Variants in MTA3 observed in about 807,000 individuals in gnomAD.
MTA3 encodes metastasis-associated protein MTA3.
MTA3 carries 34 observed loss-of-function variants against 83.5 expected under a neutral mutation model. The ratio of observed to expected loss-of-function variants is 0.41; its 90% CI spans 0.31 to 0.54. The LOEUF is 0.54. MTA3 is among the 20% of genes least tolerant of loss of function. The pLI is 0.33. For synonymous variants in MTA3, 303 were observed against 252.7 expected, an observed-to-expected ratio of 1.20 and a Z score of -1.89; for missense variants, 761 against 726.4, an observed-to-expected ratio of 1.05 and a Z score of -0.55.
intron 3 of MTA3, among the ~76,000 whole-genome samples, chr2:42,600,696 A>T (rs995406671): frequency 1.3e-5 from 2 of 151,558 alleles, no homozygotes; most frequent in Non-Finnish European, 2.9e-5. Context: ...ATGCGCCACC[A>T]CACCTGGCTG....
chr2:42,539,230 TACCCGAG>T (rs1676411077), intron 2 of MTA3, among the ~76,000 whole-genome samples: 1 of 152,168 alleles, frequency 6.6e-6, no homozygotes, highest in African/African-American at 2.4e-5. Flanking sequence ...TATAAGGACA[TACCCGAG>T]ACTGGATAAT....
At chr2:42,569,908 GAA>G (rs1678276433) in intron 1 of MTA3, 1 of 151,828 alleles carries the variant, frequency 6.6e-6, no homozygotes, top group African/African-American at 2.4e-5. Flanking sequence ...TAAAACTGTG[GAA>G]AAGTTTGTCA....
intron 2 of MTA3, among the ~76,000 whole-genome samples, chr2:42,570,856 C>CA (rs900107958): frequency 8.6e-5 from 13 of 150,588 alleles, no homozygotes; most frequent in Non-Finnish European, 1.6e-4. Flanking sequence ...ACTAAAAATA[C>CA]AAAAAAAATA....
intron 16 of MTA3, among the ~76,000 whole-genome samples, chr2:42,748,307 G>A (rs1047786407): frequency 1.3e-5 from 2 of 151,246 alleles, no homozygotes; most frequent in African/African-American, 2.4e-5. Flanking sequence ...CTCATGATCC[G>A]CCTGCCTCAG....
intron 7 of MTA3, among the ~76,000 whole-genome samples, chr2:42,658,549 C>A (rs577757909): frequency 6.6e-6 from 1 of 152,200 alleles, no homozygotes; most frequent in South Asian, 2.1e-4. Flanking sequence ...TCAAAAGAAG[C>A]TGGACGTAAT....
intron 8 of MTA3, among the ~76,000 whole-genome samples, chr2:42,678,937 G>A (rs1391627370): frequency 6.6e-6 from 1 of 152,096 alleles, no homozygotes; most frequent in Admixed American, 6.6e-5. Context: ...ATACAAATAA[G>A]AAATGATCTT....
intron 3 of MTA3, among the ~76,000 whole-genome samples, chr2:42,602,516 C>T (rs1319890454): frequency 1.3e-5 from 2 of 152,196 alleles, no homozygotes; most frequent in African/African-American, 2.4e-5. Flanking sequence ...CAATTTTTCA[C>T]TTCCTCTGTT....
intron 16 of MTA3, among the ~76,000 whole-genome samples, chr2:42,733,889 A>C (rs1034961122): frequency 6.6e-6 from 1 of 152,216 alleles, no homozygotes; most frequent in African/African-American, 2.4e-5. Flanking sequence ...CTGTGATCAG[A>C]AAAGATACTT....
At chr2:42,718,299 G>A (rs984548020) in intron 14 of MTA3, among the ~76,000 whole-genome samples, 1 of 151,910 alleles carries the variant, frequency 6.6e-6, no homozygotes, top group African/African-American at 2.4e-5. Context: ...CCAGGCTGGA[G>A]TGCAATGGCG....
intron 3 of MTA3, among the ~76,000 whole-genome samples, chr2:42,590,882 T>C (rs754996934): frequency 6.6e-6 from 1 of 152,170 alleles, no homozygotes; most frequent in Non-Finnish European, 1.5e-5. Flanking sequence ...GTTTGCTTTT[T>C]TTAAAACTGT....
intron 2 of MTA3, among the ~76,000 whole-genome samples, chr2:42,562,867 C>T (rs1370364657): frequency 6.6e-6 from 1 of 152,122 alleles, no homozygotes; most frequent in Non-Finnish European, 1.5e-5. Context: ...AAAGGCACCT[C>T]GAACACAACC....
intron 4 of MTA3, among the ~76,000 whole-genome samples, chr2:42,619,144 C>A (rs893979035): frequency 6.6e-6 from 1 of 152,114 alleles, no homozygotes; most frequent in African/African-American, 2.4e-5. Flanking sequence ...GGAGAGAGAA[C>A]AGTTAAAGGC....
At chr2:42,642,427 A>G (rs2104306789) in intron 5 of MTA3, among the ~76,000 whole-genome samples, 1 of 152,146 alleles carries the variant, frequency 6.6e-6, no homozygotes, top group Admixed American at 6.6e-5. Context: ...AGGTTGAGGC[A>G]GGAGGATTGC....
chr2:42,658,063 C>A, intron 7 of MTA3, among the ~76,000 whole-genome samples: 1 of 90,404 alleles, frequency 1.1e-5, no homozygotes, highest in African/African-American at 5.1e-5. Context: ...CAGAGGAAGA[C>A]TCTGTCTCAA....
intron 4 of MTA3, among the ~76,000 whole-genome samples, chr2:42,620,275 C>T (rs1384317490): frequency 2.6e-5 from 4 of 151,946 alleles, no homozygotes; most frequent in African/African-American, 7.2e-5. Flanking sequence ...TGCACTGCCA[C>T]GCCTGGCTTA....
chr2:42,592,497 T>C (rs923394817), intron 3 of MTA3, among the ~76,000 whole-genome samples: 3 of 152,090 alleles, frequency 2.0e-5, no homozygotes, highest in African/African-American at 4.8e-5. Context: ...GACAGGAGTA[T>C]TGCTTGAGCC....
chr2:42,609,618 C>G (rs1683933645), intron 4 of MTA3, 34 bp downstream of exon 4: 1 of 1,559,388 alleles, frequency 6.4e-7, no homozygotes, highest in Admixed American at 2.0e-5. Flanking sequence ...GTACTCAGTA[C>G]TACGGTGACC....
At chr2:42,507,838 GGAT>G (rs372898995) in intron 2 of MTA3, among the ~76,000 whole-genome samples, 23 of 151,942 alleles carry the variant, frequency 1.5e-4, no homozygotes, top group African/African-American at 5.5e-4. Flanking sequence ...GGCTGAGGTG[GGAT>G]GATGGCTTGA....
chr2:42,508,447 T>G (rs1195973885), intron 2 of MTA3, among the ~76,000 whole-genome samples: 2 of 151,976 alleles, frequency 1.3e-5, no homozygotes, highest in East Asian at 3.9e-4. Context: ...TCCTCCCACC[T>G]CAGCCCCCTG....
Sources: gnomAD v4.1 joint callset for allele counts (sites outside exome capture counted in the v4.1 genomes callset) on GRCh38, gnomAD v4.1.1 for gene constraint, MANE v1.5 for transcripts, NCBI Gene and HGNC (gene_info 2026-07-23, HGNC 2026-07-21) for gene names.